FGF14: variants seen among roughly 807,000 people sequenced by gnomAD.
FGF14 encodes the protein fibroblast growth factor homologous factor 4.
FGF14 carries 5 observed loss-of-function variants against 25.5 expected under a neutral mutation model. The ratio of observed to expected loss-of-function variants is 0.20; its 90% CI spans 0.10 to 0.41. The LOEUF is 0.41. Ranked by LOEUF, FGF14 falls within the 10% of genes least tolerant of loss-of-function variation. The pLI is 1.00. For synonymous variants in FGF14, 138 were observed against 118.3 expected (o/e 1.17, Z -1.08); for missense variants, 222 against 320.1 (o/e 0.69, Z 2.34).
At chr13:102,379,581 A>G (rs2058132681) in intron 1 of FGF14, among the ~76,000 whole-genome samples, 1 of 152,128 alleles carries the variant, frequency 6.6e-6, no homozygotes, top group African/African-American at 2.4e-5. Context: ...AGAAAGAGAG[A>G]TAGTTCAGTG....
At chr13:102,343,712 T>G (rs1257124041) in intron 1 of FGF14, among the ~76,000 whole-genome samples, 1 of 152,216 alleles carries the variant, frequency 6.6e-6, no homozygotes, top group Non-Finnish European at 1.5e-5. Flanking sequence ...AGCTCTCACA[T>G]TCATATTGCC....
chr13:102,030,454 C>T (rs1161339812), intron 1 of FGF14, among the ~76,000 whole-genome samples: 1 of 151,986 alleles, frequency 6.6e-6, no homozygotes, highest in African/African-American at 2.4e-5. Context: ...GAAAGGACAA[C>T]CAAGGCACAG....
chr13:102,310,695 GT>G (rs1248473315), intron 1 of FGF14, among the ~76,000 whole-genome samples: 2 of 34,588 alleles, frequency 5.8e-5, no homozygotes, highest in African/African-American at 9.6e-5. Flanking sequence ...CTGTGTGTGT[GT>G]GGGGGGGGGG....
intron 4 of FGF14, among the ~76,000 whole-genome samples, chr13:101,724,965 G>T (rs977982906): frequency 5.3e-5 from 8 of 151,776 alleles, no homozygotes; most frequent in Admixed American, 3.9e-4. Context: ...CATCATTGTT[G>T]TCTCAGATAT....
At chr13:102,025,211 A>G (rs1301541477) in intron 1 of FGF14, among the ~76,000 whole-genome samples, 1 of 151,808 alleles carries the variant, frequency 6.6e-6, no homozygotes, top group African/African-American at 2.4e-5. Context: ...AGGTTGTCAA[A>G]CTCTAAAAAT....
chr13:101,751,390 TA>T (rs1045972725), intron 3 of FGF14, among the ~76,000 whole-genome samples: 1 of 152,072 alleles, frequency 6.6e-6, no homozygotes, highest in African/African-American at 2.4e-5. Context: ...TTGAAAAAAT[TA>T]AAAGAGAAAT....
At chr13:102,297,333 C>T (rs534894349) in intron 1 of FGF14, among the ~76,000 whole-genome samples, 14 of 152,066 alleles carry the variant, frequency 9.2e-5, no homozygotes, top group South Asian at 4.2e-4. Flanking sequence ...AAAAGACAGA[C>T]GACTCAATGT....
intron 1 of FGF14, among the ~76,000 whole-genome samples, chr13:102,316,771 G>T (rs2056044111): frequency 6.6e-6 from 1 of 152,078 alleles, no homozygotes; most frequent in African/African-American, 2.4e-5. Flanking sequence ...CAGAATTTTT[G>T]AAAATATTAA....
chr13:101,840,758 CT>C (rs926864303), intron 3 of FGF14, among the ~76,000 whole-genome samples: 9 of 151,860 alleles, frequency 5.9e-5, no homozygotes, highest in African/African-American at 1.9e-4. Flanking sequence ...AAATGGCATG[CT>C]TTTTTCTTAT....
chr13:102,205,680 A>G (rs1044898646), intron 1 of FGF14, among the ~76,000 whole-genome samples: 2 of 151,982 alleles, frequency 1.3e-5, no homozygotes, highest in Non-Finnish European at 2.9e-5. Flanking sequence ...CTGCCTTCAG[A>G]AAGGGAAAGA....
intron 1 of FGF14, among the ~76,000 whole-genome samples, chr13:102,253,929 C>A (rs1224495175): frequency 6.6e-6 from 1 of 152,200 alleles, no homozygotes; most frequent in Non-Finnish European, 1.5e-5. Context: ...TTCATTGACA[C>A]AAGTCTCTTT....
chr13:102,080,830 T>C (rs913400087), intron 1 of FGF14, among the ~76,000 whole-genome samples: 2 of 152,212 alleles, frequency 1.3e-5, no homozygotes, highest in East Asian at 3.9e-4. Flanking sequence ...AGATTTGTCA[T>C]ATTGTGCCAT....
intron 1 of FGF14, among the ~76,000 whole-genome samples, chr13:102,116,489 G>T (rs1453081910): frequency 6.6e-6 from 1 of 151,906 alleles, no homozygotes; most frequent in African/African-American, 2.4e-5. Context: ...CTTCCACAAA[G>T]AAAAAATAAA....
At chr13:102,045,311 T>C (rs1245508449) in intron 1 of FGF14, among the ~76,000 whole-genome samples, 3 of 151,982 alleles carry the variant, frequency 2.0e-5, no homozygotes, top group East Asian at 1.9e-4. Context: ...TAAATATATG[T>C]AAATACACAC....
intron 1 of FGF14, among the ~76,000 whole-genome samples, chr13:102,387,405 A>G (rs149742201): frequency 6.6e-6 from 1 of 152,308 alleles, no homozygotes; most frequent in Non-Finnish European, 1.5e-5. Context: ...CATAAAGGTT[A>G]CTAAAACATA....
intron 1 of FGF14, among the ~76,000 whole-genome samples, chr13:101,946,363 CAAAAAA>C (rs59866034): frequency 1.1e-5 from 1 of 91,950 alleles, no homozygotes; most frequent in Admixed American, 1.2e-4. Context: ...GCTTCTCCAT[CAAAAAA>C]AAAAAAAAAA....
intron 3 of FGF14, among the ~76,000 whole-genome samples, chr13:101,742,064 A>C (rs1481816390): frequency 6.6e-6 from 1 of 152,108 alleles, no homozygotes; most frequent in Non-Finnish European, 1.5e-5. Context: ...ATCAGGCCCC[A>C]GTGTGTGATG....
At chr13:101,852,733 C>A (rs1047734590) in intron 3 of FGF14, among the ~76,000 whole-genome samples, 1 of 152,038 alleles carries the variant, frequency 6.6e-6, no homozygotes, top group African/African-American at 2.4e-5. Context: ...CCTGATCCAC[C>A]TTTCCCAGGA....
intron 1 of FGF14, chr13:102,366,351 A>C (rs1385854427): frequency 1.3e-5 from 2 of 152,238 alleles, no homozygotes; most frequent in Non-Finnish European, 2.9e-5. Flanking sequence ...TCGTACCAGT[A>C]CCAGTGGTCA....
Sources: gnomAD v4.1 joint callset for allele counts (sites outside exome capture counted in the v4.1 genomes callset) on GRCh38, gnomAD v4.1.1 for gene constraint, MANE v1.5 for transcripts, NCBI Gene and HGNC (gene_info 2026-07-23, HGNC 2026-07-21) for gene names.